Variants in MAGED1 observed in about 807,000 individuals in gnomAD.
MAGED1 encodes melanoma-associated antigen D1.
Under a neutral mutation model 54.1 loss-of-function variants are expected in MAGED1, and 3 were observed. The observed-to-expected ratio is 0.06, with a 90% CI of 0.03 to 0.14. The LOEUF is 0.14. MAGED1 is among the 10% of genes least tolerant of loss of function. MAGED1 has a pLI of 1.00. For missense variants in MAGED1, 485 were observed against 623.4 expected, an observed-to-expected ratio of 0.78 and a Z score of 2.36; for synonymous variants, 217 against 227.3, an observed-to-expected ratio of 0.95 and a Z score of 0.41.
At chrX:51,872,651 C>T (rs1927723360) in intron 1 of MAGED1, among the ~76,000 whole-genome samples, 1 of 111,795 alleles carries the variant, frequency 8.9e-6, no homozygotes, top group African/African-American at 3.3e-5. Flanking sequence ...TTGAGGTAGG[C>T]GATCAGCAGG....
chrX:51,868,279 T>TTG (rs1306251250), intron 1 of MAGED1, among the ~76,000 whole-genome samples: 11 of 109,206 alleles, frequency 1.0e-4, no homozygotes, highest in Admixed American at 3.9e-4. Context: ...GTGTGTGTGT[T>TTG]TGTGTGTGTG....
chrX:51,855,815 C>T (rs945762384), intron 1 of MAGED1, among the ~76,000 whole-genome samples: 3 of 111,431 alleles, frequency 2.7e-5, no homozygotes, highest in East Asian at 2.8e-4. Context: ...CATGAGCCCC[C>T]GCACCGGGCT....
rs149180361 is a variant in MAGED1, at chrX:51,824,704, CTGTGTG to C, written c.-37+21611_-37+21616del. Among the ~76,000 whole-genome samples the C allele has an allele frequency of 2.2e-3, 200 of 90,421 alleles. 1 individual carries two copies. The highest frequency in any genetic ancestry group is 7.5e-3 in the African/African-American group (183 of 24,260). 78.5% of individuals were successfully genotyped at this position (90,421 alleles called of 115,157 possible). Reference sequence around the variant, plus strand: ...TTCTGAGGCTGTGTTTATATTGTCTCTGTGTGTGTGTGTGTGTGTGTGTGTGTGTCT... The same window carrying C: ...TTCTGAGGCTGTGTTTATATTGTCTCTGTGTGTGTGTGTGTGTGTGTGTCT... On this transcript the variant is annotated intron_variant, in intron 1 of 12. Coordinates refer to the MAGED1 transcript ENST00000375772.
upstream of MAGED1, among the ~76,000 whole-genome samples, chrX:51,893,376 A>C (rs1928526399): frequency 1.1e-5 from 1 of 94,226 alleles, no homozygotes; most frequent in South Asian, 5.1e-4. Flanking sequence ...GGCACAGCGC[A>C]TCTGTGGGGG....
At chrX:51,891,831 G>A (rs1435344228), upstream of MAGED1, among the ~76,000 whole-genome samples, 3 of 112,232 alleles carry the variant, frequency 2.7e-5, no homozygotes, top group African/African-American at 9.7e-5. Context: ...AGTCATGACC[G>A]AAGATACAGA....
At chrX:51,823,899 T>C (rs1925735047) in intron 1 of MAGED1, among the ~76,000 whole-genome samples, 1 of 111,691 alleles carries the variant, frequency 9.0e-6, no homozygotes, top group Non-Finnish European at 1.9e-5. Flanking sequence ...AAAGCTTTGC[T>C]TCTTTAATAG....
rs1159695244 is a variant in MAGED1 at position 51,842,949 on chromosome X, C to A, written c.-37+39832C>A. Among the ~76,000 whole-genome samples, 3 of 111,109 alleles carry A rather than the reference C, an allele frequency of 2.7e-5. No individual in the cohort carries two copies. In the East Asian group the frequency reaches 8.5e-4, roughly 32 times the overall value. On this transcript the variant is annotated intron_variant, in intron 1 of 12. Coordinates refer to the MAGED1 transcript ENST00000375772. The stretch of plus-strand genomic sequence containing the variant: ...AGTTCAAGTGATCCACCCGCCTCAG[C>A]CTCCCAGAGTTCTGGGATTATAGGC...
At chrX:51,886,180 TTAGA>T (rs782757762) in intron 1 of MAGED1, among the ~76,000 whole-genome samples, 8 of 107,847 alleles carry the variant, frequency 7.4e-5, no homozygotes, top group East Asian at 3.1e-4. Flanking sequence ...AAAAATACAG[TTAGA>T]TAGTAGGAAT....
At chrX:51,882,971 G>A (rs1928112948) in intron 1 of MAGED1, among the ~76,000 whole-genome samples, 1 of 112,005 alleles carries the variant, frequency 8.9e-6, no homozygotes, top group Non-Finnish European at 1.9e-5. Context: ...GATTACAGGC[G>A]TGAGCCACTG....
chrX:51,875,699 AT>A (rs1237953422), intron 1 of MAGED1, among the ~76,000 whole-genome samples: 4 of 111,008 alleles, frequency 3.6e-5, no homozygotes, highest in Non-Finnish European at 5.7e-5. Flanking sequence ...GACAGTTATA[AT>A]TTTTTTATCA....
chrX:51,900,341 T>A (rs1430043811), intron 11 of MAGED1, 45 bp downstream of exon 11: 5 of 1,059,021 alleles, frequency 4.7e-6, no homozygotes, highest in Non-Finnish European at 6.5e-6. Context: ...AGGGATGAAG[T>A]ATAGCTGGCT....
At chrX:51,822,977 C>A (rs1268421325) in intron 1 of MAGED1, among the ~76,000 whole-genome samples, 2 of 111,645 alleles carry the variant, frequency 1.8e-5, no homozygotes, top group Non-Finnish European at 3.8e-5. Context: ...TACAAAATAT[C>A]TTTCTGTTAC....
chrX:51,901,910 G>T lies in MAGED1; in HGVS notation c.2317G>T (p.Gly773Cys). ...ANFAANFGAI[G>C]FFWVE ...CTTCGCTGCCAACTTTGGTGCCATT[G>T]GTTTCTTCTGGGTTGAGTGAGATGT... Residue 773 changes from glycine (G) to cysteine (C), a missense_variant, in exon 12 of 13, where the codon GGT becomes TGT. Coordinates refer to ENST00000326587, the MANE Select transcript of MAGED1 (RefSeq NM_006986.4). The T allele has an allele frequency of 8.3e-7, 1 of 1,206,849 alleles. No individual in the cohort carries two copies. Among genetic ancestry groups the T allele is most frequent in the Non-Finnish European group, 1.1e-6 (1 of 893,660 alleles).
chrX:51,890,982 G>A (rs1367476705), upstream of MAGED1, among the ~76,000 whole-genome samples: 1 of 111,463 alleles, frequency 9.0e-6, no homozygotes, highest in African/African-American at 3.3e-5. Context: ...GTATTGCCAC[G>A]CTCCCCACAA....
At chrX:51,830,860 ATATTTATT>A (rs1208290473) in intron 1 of MAGED1, among the ~76,000 whole-genome samples, 1 of 111,557 alleles carries the variant, frequency 9.0e-6, no homozygotes, top group African/African-American at 3.3e-5. Flanking sequence ...TGTGTTTTAT[ATATTTATT>A]TATTTATTTA....
intron 1 of MAGED1, among the ~76,000 whole-genome samples, chrX:51,869,056 GGT>G (rs1353200476): frequency 9.0e-6 from 1 of 111,722 alleles, no homozygotes; most frequent in East Asian, 2.8e-4. Flanking sequence ...GAGTTGATGT[GGT>G]TATTGGTTGT....
At chrX:51,846,220 G>A (rs1279223289) in intron 1 of MAGED1, among the ~76,000 whole-genome samples, 1 of 112,045 alleles carries the variant, frequency 8.9e-6, no homozygotes, top group African/African-American at 3.2e-5. Flanking sequence ...TTAAGTTAAG[G>A]ATAGATATTA....
intron 1 of MAGED1, among the ~76,000 whole-genome samples, chrX:51,853,075 C>T (rs983916918): frequency 9.9e-5 from 11 of 110,986 alleles, no homozygotes; most frequent in African/African-American, 1.6e-4. Context: ...CAGATAATTT[C>T]GTCTTACCTG....
At chrX:51,824,807 C>CATATATGTATATATACATATAT (rs1925788142) in intron 1 of MAGED1, among the ~76,000 whole-genome samples, 1 of 77,766 alleles carries the variant, frequency 1.3e-5, no homozygotes, top group Non-Finnish European at 2.4e-5. Flanking sequence ...TATATACGTA[C>CATATATGTATATATACATATAT]ATATATGTAT....
Sources: gnomAD v4.1 joint callset for allele counts (sites outside exome capture counted in the v4.1 genomes callset) on GRCh38, gnomAD v4.1.1 for gene constraint, MANE v1.5 for transcripts, NCBI Gene and HGNC (gene_info 2026-07-23, HGNC 2026-07-21) for gene names.